HEATR1: variants seen among roughly 807,000 people sequenced by gnomAD.
HEATR1 encodes the protein HEAT repeat containing 1, also known as HEAT repeat-containing protein 1.
HEATR1 carries 77 observed loss-of-function variants against 248.2 expected under a neutral mutation model. The observed-to-expected ratio is 0.31, with a 90% CI of 0.26 to 0.37. The LOEUF (loss-of-function observed/expected upper bound fraction) is 0.37, where lower values mean the gene tolerates loss of function less well. HEATR1 is among the 10% of genes least tolerant of loss of function. HEATR1 has a pLI of 1.00. For missense variants in HEATR1, 2,420 were observed against 2,504.9 expected, an observed-to-expected ratio of 0.97 and a Z score of 0.72; for synonymous variants, 897 against 923.1, an observed-to-expected ratio of 0.97 and a Z score of 0.51.
At chr1:236,570,360 T>C (rs527853427) in intron 28 of HEATR1, among the ~76,000 whole-genome samples, 2 of 152,222 alleles carry the variant, frequency 1.3e-5, no homozygotes, top group South Asian at 4.2e-4. Flanking sequence ...CCACATATTG[T>C]ATGACTCAAT....
At chr1:236,579,833 T>C (rs1663660989) in intron 20 of HEATR1, among the ~76,000 whole-genome samples, 1 of 151,710 alleles carries the variant, frequency 6.6e-6, no homozygotes, top group Non-Finnish European at 1.5e-5. Context: ...TTCAAAGAAC[T>C]AACAAAAAAT....
Position 236,571,362 on chromosome 1 carries a change from C to T in HEATR1, c.3937G>A (p.Gly1313Arg). The T allele has an allele frequency of 1.3e-6, 2 of 1,593,232 alleles. No individual in the cohort carries two copies. Among genetic ancestry groups the T allele is most frequent in the South Asian group, 1.2e-5 (1 of 86,538 alleles). The change falls in exon 28 of 45, where the codon GGA (glycine) becomes AGA (arginine). Residue 1313 changes from glycine (G) to arginine (R), a missense_variant. Coordinates refer to ENST00000366582, the MANE Select transcript of HEATR1 (RefSeq NM_018072.6). ...TCATTAACGCTTACCGGAAATATTC[C>T]AGCAACAGTGCCCAAAAGTAAAAGG... ...HALLLLGTVAGIFPDKVLHNI... is the reference protein window; with the variant it reads ...HALLLLGTVARIFPDKVLHNI...
chr1:236,555,265 G>A (rs750238170), intron 41 of HEATR1, 31 bp downstream of exon 41: 7 of 1,609,280 alleles, frequency 4.3e-6, no homozygotes, highest in Non-Finnish European at 5.9e-6. Context: ...CACAGGGCAA[G>A]GGTGACAGCT....
intron 12 of HEATR1, among the ~76,000 whole-genome samples, chr1:236,589,220 T>C (rs900065194): frequency 3.9e-5 from 6 of 152,244 alleles, no homozygotes; most frequent in African/African-American, 1.4e-4. Flanking sequence ...AGGACTCCCC[T>C]TTATTCTAGA....
At chr1:236,594,646 C>A (rs1664125445) in intron 8 of HEATR1, among the ~76,000 whole-genome samples, 1 of 152,114 alleles carries the variant, frequency 6.6e-6, no homozygotes, top group Non-Finnish European at 1.5e-5. Context: ...ATGTTCAAAC[C>A]AAGATTTGGT....
Position 236,583,096 on chromosome 1 carries a change from A to C in HEATR1, c.2342T>G (p.Val781Gly). 3 of 1,614,110 alleles carry C rather than the reference A, an allele frequency of 1.9e-6. No homozygotes were observed. The highest frequency in any genetic ancestry group is 2.5e-6 in the Non-Finnish European group (3 of 1,179,990). Residue 781 changes from valine (V) to glycine (G), a missense_variant, in exon 18 of 45, where the codon GTG becomes GGG. Physicochemically the swap from Val to Gly is moderately radical, Grantham distance 109. Transcript: ENST00000366582. ...YVEELNSTQR[V>G]AVEDSVFLVF... ...AAGAAAAACCGAGTCCTCCACGGCC[A>C]CCCTCTGAGTGCTGTTGAGCTCTTC...
At position 236,594,063 on chromosome 1, in the gene HEATR1, G is replaced by T. The variant is rs367603895; in HGVS notation, c.1142C>A (p.Ala381Asp). 6.2e-7 allele frequency: 1 copy of T among 1,600,056 alleles called. No homozygotes were observed. Among genetic ancestry groups the T allele is most frequent in the Non-Finnish European group, 8.5e-7 (1 of 1,174,964 alleles). Residue 381 changes from alanine to aspartate, a missense_variant, in exon 9 of 45, where the codon GCT becomes GAT. By Grantham distance (126) the Ala-to-Asp change is moderately radical. Coordinates refer to ENST00000366582, the MANE Select transcript of HEATR1 (RefSeq NM_018072.6). ...DGQIYKRHLE[A>D]ILTKISLKNN... Reference sequence around the variant, plus strand: ...CTTCAGTGATATTTTTGTAAGTATAGCTTCTAAGTGTCTCTTGTAGATTTG... The same window carrying T: ...CTTCAGTGATATTTTTGTAAGTATATCTTCTAAGTGTCTCTTGTAGATTTG...
At position 236,550,030 on chromosome 1, in the gene HEATR1, A is replaced by C. The variant is rs747453414; in HGVS notation, c.*872T>G. On this transcript the variant is annotated 3_prime_UTR_variant, in exon 45 of 45. Transcript: ENST00000366582. Reference sequence around the variant, plus strand: ...ACGGGATGTTCTTAGATGCCTTTAAAAAGGGGGCAGATCTAATTTTATTTG... The same window carrying C: ...ACGGGATGTTCTTAGATGCCTTTAACAAGGGGGCAGATCTAATTTTATTTG... The C allele has an allele frequency of 2.0e-5, 3 of 152,198 alleles. No homozygotes were observed. The highest frequency in any genetic ancestry group is 4.4e-5 in the Non-Finnish European group (3 of 68,044). 9.4% of individuals were successfully genotyped at this position (152,198 alleles called of 1,614,324 possible).
intron 3 of HEATR1, among the ~76,000 whole-genome samples, chr1:236,600,689 C>A (rs2564736): frequency 0.53 from 80,425 of 151,908 alleles, 23,365 homozygotes; most frequent in Non-Finnish European, 0.65. Context: ...CAGCACCACA[C>A]CCAGCTAATT....
chr1:236,596,570 G>A (rs1489058812), intron 6 of HEATR1, among the ~76,000 whole-genome samples: 1 of 152,184 alleles, frequency 6.6e-6, no homozygotes, highest in African/African-American at 2.4e-5. Context: ...TCCTTCCAGT[G>A]AGGTACAAAG....
chr1:236,597,854 A>G, intron 5 of HEATR1, 24 bp downstream of exon 5: 1 of 1,448,000 alleles, frequency 6.9e-7, no homozygotes, highest in Non-Finnish European at 9.7e-7. Context: ...ATAAAATTAT[A>G]TACTCATGAA....
At chr1:236,577,144 C>CAATT (rs57813451) in intron 20 of HEATR1, among the ~76,000 whole-genome samples, 195 bp from the exon 21 acceptor site, 3 of 151,470 alleles carry the variant, frequency 2.0e-5, no homozygotes, top group East Asian at 1.9e-4. Flanking sequence ...TGAAAATACA[C>CAATT]AAGAGCATAC....
At chr1:236,556,594 C>T (rs1351103584) in intron 37 of HEATR1, among the ~76,000 whole-genome samples, 8 of 152,164 alleles carry the variant, frequency 5.3e-5, no homozygotes, top group Non-Finnish European at 8.8e-5. Flanking sequence ...AGAGCACAGG[C>T]CCCTTTCTCT....
At chr1:236,567,243 G>A (rs1365309270) in intron 29 of HEATR1, among the ~76,000 whole-genome samples, 2 of 152,144 alleles carry the variant, frequency 1.3e-5, no homozygotes, top group Non-Finnish European at 2.9e-5. Context: ...CTCCCAAAGT[G>A]CTGGTGTTAC....
rs750339435 is a variant in HEATR1 at position 236,566,715 on chromosome 1, C to A, written c.4239G>T (p.Trp1413Cys). ...GTTCAAAAAGCAAGATGAGGAGAAT[C>A]CAGAGGAATTTCTCTGCACCCAGTG... ...VDTLGAEKFL[W>C]ILLILLFEQY... The change falls in exon 30 of 45, where the codon TGG becomes TGT. Residue 1413 changes from tryptophan to cysteine, a missense_variant. Coordinates refer to ENST00000366582, the MANE Select transcript of HEATR1 (RefSeq NM_018072.6). 6.2e-7 allele frequency: 1 copy of A among 1,614,090 alleles called. No individual in the cohort carries two copies. Among genetic ancestry groups the A allele is most frequent in the South Asian group, 1.1e-5 (1 of 91,082 alleles).
At chr1:236,587,628 T>C (rs958549228) in intron 13 of HEATR1, 138 bp from the exon 14 acceptor site, 15 of 458,038 alleles carry the variant, frequency 3.3e-5, no homozygotes, top group Non-Finnish European at 5.4e-5. Flanking sequence ...AGTTTTAAGA[T>C]CTATTTCTCA....
intron 20 of HEATR1, 97 bp downstream of exon 20, chr1:236,581,124 AT>A (rs35257076): frequency 1.5e-4 from 142 of 959,340 alleles, no homozygotes; most frequent in Middle Eastern, 2.3e-4. Flanking sequence ...GCCCTCTGCT[AT>A]TTTTTTTTAA....
chr1:236,588,083 A>C, intron 12 of HEATR1, 40 bp from the exon 13 acceptor site: 2 of 1,480,550 alleles, frequency 1.4e-6, no homozygotes, highest in Non-Finnish European at 1.9e-6. Context: ...GCTGTTGCCA[A>C]AAATCTCTTA....
intron 31 of HEATR1, among the ~76,000 whole-genome samples, 198 bp from the exon 32 acceptor site, chr1:236,564,859 G>A (rs115298515): frequency 0.03 from 4,622 of 152,288 alleles, 71 homozygotes; most frequent in Middle Eastern, 0.054. Context: ...AAAGTACCCA[G>A]TGGCCCTGAG....
Sources: gnomAD v4.1 joint callset for allele counts (sites outside exome capture counted in the v4.1 genomes callset) on GRCh38, gnomAD v4.1.1 for gene constraint, MANE v1.5 for transcripts, NCBI Gene and HGNC (gene_info 2026-07-23, HGNC 2026-07-21) for gene names.